MTFR1: variants seen among roughly 807,000 people sequenced by gnomAD.
MTFR1 encodes mitochondrial fission regulator 1, also known as chondrocyte protein with a poly-proline region.
In MTFR1, 28 loss-of-function variants were observed where a neutral mutation model predicts 38.8. The ratio of observed to expected loss-of-function variants is 0.72; its 90% confidence interval spans 0.53 to 0.99. MTFR1 has a LOEUF of 0.99. Ranked by LOEUF, MTFR1 falls within the 50% of genes least tolerant of loss-of-function variation. The probability of loss-of-function intolerance (pLI) is 0.00; values close to 1 mark genes in which losing one functional copy is unlikely to be tolerated. For missense variants in MTFR1, 358 were observed against 395.5 expected (o/e 0.91, Z 0.81); for synonymous variants, 145 against 137.0 (o/e 1.06, Z -0.41).
chr8:65,662,824 C>A (rs1386017348), intron 1 of MTFR1, among the ~76,000 whole-genome samples: 4 of 151,256 alleles, frequency 2.6e-5, no homozygotes, highest in Middle Eastern at 3.5e-3. Context: ...GGTCAGCCCC[C>A]CGCCCGGCCA....
intron 3 of MTFR1, among the ~76,000 whole-genome samples, chr8:65,686,917 C>T (rs1476544406): frequency 6.6e-6 from 1 of 151,274 alleles, no homozygotes; most frequent in Non-Finnish European, 1.5e-5. Context: ...GAGCAAGACT[C>T]CATCTCCAAA....
chr8:65,687,911 C>A (rs1805139698), intron 3 of MTFR1, among the ~76,000 whole-genome samples: 1 of 151,706 alleles, frequency 6.6e-6, no homozygotes, highest in Non-Finnish European at 1.5e-5. Context: ...ACCAGCATGG[C>A]CAACATGGTG....
chr8:65,673,104 T>C (rs1267978107), intron 2 of MTFR1, among the ~76,000 whole-genome samples: 1 of 152,224 alleles, frequency 6.6e-6, no homozygotes, highest in African/African-American at 2.4e-5. Flanking sequence ...CTAAGCTTAA[T>C]ACTTTCTAAC....
chr8:65,739,036 G>A (rs1057302109), intron 3 of MTFR1, among the ~76,000 whole-genome samples: 4 of 152,216 alleles, frequency 2.6e-5, no homozygotes, highest in Non-Finnish European at 4.4e-5. Context: ...AAGGTGGGCC[G>A]ATTCTGAGCC....
chr8:65,734,191 T>G (rs1466287522), intron 3 of MTFR1, among the ~76,000 whole-genome samples: 2 of 152,176 alleles, frequency 1.3e-5, no homozygotes, highest in Non-Finnish European at 2.9e-5. Flanking sequence ...CCTCCTCTCA[T>G]GGAAGACTTC....
chr8:65,747,615 C>CA, intron 3 of MTFR1: 1 of 1,417,710 alleles, frequency 7.1e-7, no homozygotes, highest in South Asian at 1.3e-5. Flanking sequence ...GTAAACTTAT[C>CA]AAAAAATTAA....
At chr8:65,711,240 A>T (rs1805935172), downstream of MTFR1, among the ~76,000 whole-genome samples, 1 of 152,144 alleles carries the variant, frequency 6.6e-6, no homozygotes, top group Non-Finnish European at 1.5e-5. Context: ...TGCAGTCTTT[A>T]GTTCTGGTTG....
Position 65,704,917 on chromosome 8 carries a change from A to C in MTFR1, c.505A>C (p.Asn169His). ...AKIVTQQEQQ[N>H]LTAGDLDSTT... The stretch of plus-strand genomic sequence containing the variant: ...AATTGTGACCCAGCAGGAGCAGCAA[A>C]ATCTCACTGCAGGTCTGTAAGTCCT... Residue 169 changes from asparagine (N) to histidine (H), a missense_variant, in exon 5 of 8, where the codon AAT (asparagine) becomes CAT (histidine). By Grantham distance (68) the Asn-to-His change is moderately conservative (BLOSUM62 1). Coordinates refer to ENST00000262146, the MANE Select transcript of MTFR1 (RefSeq NM_014637.4). 6.3e-7 allele frequency: 1 copy of C among 1,590,210 alleles called. No homozygotes were observed. Among genetic ancestry groups the C allele is most frequent in the Non-Finnish European group, 8.6e-7 (1 of 1,165,570 alleles).
At chr8:65,648,119 C>A (rs1348841312) in intron 1 of MTFR1, among the ~76,000 whole-genome samples, 2 of 152,050 alleles carry the variant, frequency 1.3e-5, no homozygotes, top group African/African-American at 4.8e-5. Flanking sequence ...TCACGCCATT[C>A]CATTCTCCTG....
At chr8:65,739,001 T>C (rs1456756187) in intron 3 of MTFR1, among the ~76,000 whole-genome samples, 2 of 152,208 alleles carry the variant, frequency 1.3e-5, no homozygotes, top group Admixed American at 6.5e-5. Flanking sequence ...TGACTTGCTG[T>C]GGCCACTTGC....
chr8:65,704,036 AC>A (rs1315850351), intron 4 of MTFR1, among the ~76,000 whole-genome samples: 4 of 151,950 alleles, frequency 2.6e-5, no homozygotes, highest in Non-Finnish European at 5.9e-5. Flanking sequence ...ACATAGGGAA[AC>A]CCTATCTGGG....
At chr8:65,753,465 T>A (rs1004366591) in intron 3 of MTFR1, among the ~76,000 whole-genome samples, 2 of 152,184 alleles carry the variant, frequency 1.3e-5, no homozygotes, top group African/African-American at 4.8e-5. Context: ...CTAGACCAGA[T>A]GTGGAAAGTG....
chr8:65,756,067 C>G (rs1563490602), intron 3 of MTFR1, among the ~76,000 whole-genome samples: 1 of 152,182 alleles, frequency 6.6e-6, no homozygotes, highest in African/African-American at 2.4e-5. Flanking sequence ...TTTTTGTTTT[C>G]AGGACTGACA....
chr8:65,771,479 T>C (rs1809079595), downstream of MTFR1, among the ~76,000 whole-genome samples: 1 of 152,200 alleles, frequency 6.6e-6, no homozygotes, highest in African/African-American at 2.4e-5. Flanking sequence ...CTTTAACCTG[T>C]TGATATCGAT....
At chr8:65,713,525 C>T (rs1806019802), downstream of MTFR1, among the ~76,000 whole-genome samples, 1 of 151,914 alleles carries the variant, frequency 6.6e-6, no homozygotes, top group Non-Finnish European at 1.5e-5. Context: ...CTTTCCCCCA[C>T]CATCCTATCA....
At chr8:65,711,247 G>GTTGT (rs945289834), downstream of MTFR1, among the ~76,000 whole-genome samples, 5 of 152,252 alleles carry the variant, frequency 3.3e-5, no homozygotes, top group African/African-American at 1.2e-4. Flanking sequence ...TTTAGTTCTG[G>GTTGT]TTGTTTCCCC....
intron 1 of MTFR1, among the ~76,000 whole-genome samples, chr8:65,655,954 A>ATATATATATATATGTG (rs1809247531): frequency 3.4e-5 from 1 of 29,830 alleles, no homozygotes; most frequent in Admixed American, 2.7e-4. Flanking sequence ...AAAAAAAAAT[A>ATATATATATATATGTG]TATATATATA....
intron 3 of MTFR1, among the ~76,000 whole-genome samples, chr8:65,690,388 A>G (rs1229569547): frequency 6.6e-6 from 1 of 151,954 alleles, no homozygotes; most frequent in Non-Finnish European, 1.5e-5. Flanking sequence ...AATACAAAAA[A>G]TGAGCCAGGT....
chr8:65,710,792 C>A (rs1805921163), downstream of MTFR1, among the ~76,000 whole-genome samples: 1 of 152,142 alleles, frequency 6.6e-6, no homozygotes, highest in Non-Finnish European at 1.5e-5. Flanking sequence ...CCATAATCTA[C>A]TTCTGAGATT....
Sources: allele counts gnomAD v4.1 joint callset (sites outside exome capture counted in the v4.1 genomes callset), GRCh38; gene constraint gnomAD v4.1.1; transcripts MANE v1.5; gene names NCBI Gene and HGNC (gene_info 2026-07-23, HGNC 2026-07-21).